Variants in MGAT4C observed in about 807,000 individuals in gnomAD.
The protein encoded by MGAT4C is MGAT4 family member C.
MGAT4C carries 19 observed loss-of-function variants against 40.1 expected under a neutral mutation model. The observed-to-expected ratio is 0.47, with a 90% CI of 0.33 to 0.70. The LOEUF is 0.70. Among genes scored for constraint, MGAT4C ranks in the 30% least tolerant of loss-of-function variants. The pLI is 0.02. For synonymous variants in MGAT4C, 181 were observed against 187.1 expected (o/e 0.97, Z 0.27); for missense variants, 491 against 563.2 (o/e 0.87, Z 1.30).
chr12:86,354,105 G>T (rs61950742), intron 3 of MGAT4C, among the ~76,000 whole-genome samples: 12,893 of 152,226 alleles, frequency 0.085, 752 homozygotes, highest in Middle Eastern at 0.22. Flanking sequence ...ATTAGCACAT[G>T]GTTGGTGGAC....
chr12:86,830,255 T>C (rs1295440590), intron 1 of MGAT4C, among the ~76,000 whole-genome samples: 2 of 151,620 alleles, frequency 1.3e-5, no homozygotes, highest in Non-Finnish European at 3.0e-5. Context: ...CTCTGTGGTA[T>C]GTTTCACACT....
At chr12:86,298,468 T>G (rs1953734040) in intron 4 of MGAT4C, among the ~76,000 whole-genome samples, 1 of 152,162 alleles carries the variant, frequency 6.6e-6, no homozygotes, top group African/African-American at 2.4e-5. Context: ...ATGTTCATAA[T>G]TTATGACCTA....
At chr12:86,313,497 AG>A (rs1355917769) in intron 4 of MGAT4C, among the ~76,000 whole-genome samples, 1 of 152,224 alleles carries the variant, frequency 6.6e-6, no homozygotes, top group Admixed American at 6.5e-5. Context: ...ATCCATTAAA[AG>A]CATAGCTAGC....
At chr12:86,668,276 C>A (rs1299520451) in intron 2 of MGAT4C, among the ~76,000 whole-genome samples, 1 of 152,124 alleles carries the variant, frequency 6.6e-6, no homozygotes, top group Non-Finnish European at 1.5e-5. Context: ...TCATGATGGA[C>A]ACCCCAGATT....
intron 2 of MGAT4C, chr12:86,028,128 C>A (rs1403579650): frequency 3.1e-6 from 4 of 1,288,070 alleles, no homozygotes; most frequent in South Asian, 2.5e-5. Context: ...ATCCCTTTGC[C>A]ACACTCCTCT....
chr12:86,372,596 T>C (rs1251799711), intron 3 of MGAT4C, among the ~76,000 whole-genome samples: 1 of 151,918 alleles, frequency 6.6e-6, no homozygotes, highest in Non-Finnish European at 1.5e-5. Flanking sequence ...CCCAAGTCTA[T>C]GTGAAGTATT....
chr12:86,106,825 G>C (rs963069213), intron 1 of MGAT4C, among the ~76,000 whole-genome samples: 1 of 152,088 alleles, frequency 6.6e-6, no homozygotes, highest in African/African-American at 2.4e-5. Context: ...CTGCTAAGTA[G>C]GACCATGCTT....
At chr12:86,558,529 T>C (rs1303263391) in intron 2 of MGAT4C, among the ~76,000 whole-genome samples, 1 of 152,080 alleles carries the variant, frequency 6.6e-6, no homozygotes, top group Non-Finnish European at 1.5e-5. Flanking sequence ...CAGCCAAGCA[T>C]ATTTTACATA....
At chr12:86,801,990 T>C (rs1233904971) in intron 1 of MGAT4C, among the ~76,000 whole-genome samples, 1 of 151,956 alleles carries the variant, frequency 6.6e-6, no homozygotes, top group Non-Finnish European at 1.5e-5. Context: ...ACAATTGTTT[T>C]CCTCATTTCT....
chr12:86,493,383 A>G lies in MGAT4C; in HGVS notation c.-228-58118T>C, dbSNP rs531126658. On this transcript the variant is annotated intron_variant, in intron 2 of 7. Transcript: ENST00000548651. ...TGCGGCACTATTCACAATAGCAAAG[A>G]CTTGGAACCAACCCAAATGTCCAAC... Among the ~76,000 whole-genome samples, 53 of 152,226 alleles carry G rather than the reference A, an allele frequency of 3.5e-4. No individual in the cohort carries two copies. In the East Asian group the frequency reaches 0.01, roughly 29 times the overall value.
chr12:86,551,135 G>A (rs1029347949), intron 2 of MGAT4C, among the ~76,000 whole-genome samples: 2 of 152,178 alleles, frequency 1.3e-5, no homozygotes, highest in African/African-American at 4.8e-5. Flanking sequence ...TAGCCCTAGG[G>A]ACTGCCTTTG....
chr12:86,766,873 G>T (rs188973517), intron 1 of MGAT4C, among the ~76,000 whole-genome samples: 1 of 152,144 alleles, frequency 6.6e-6, no homozygotes, highest in East Asian at 1.9e-4. Context: ...AAAGCAGTGT[G>T]TAGAGGGAAA....
chr12:86,445,708 G>A (rs1957322005), intron 2 of MGAT4C, among the ~76,000 whole-genome samples: 1 of 152,098 alleles, frequency 6.6e-6, no homozygotes, highest in African/African-American at 2.4e-5. Context: ...ATATATCAAT[G>A]AGAATGAGCA....
At chr12:86,006,142 G>A (rs1429034684) in intron 2 of MGAT4C, among the ~76,000 whole-genome samples, 1 of 152,114 alleles carries the variant, frequency 6.6e-6, no homozygotes. Flanking sequence ...CTTTGTGCTT[G>A]TTGCTGTGTG....
chr12:86,808,748 C>T (rs1363607023), intron 1 of MGAT4C, among the ~76,000 whole-genome samples: 3 of 151,930 alleles, frequency 2.0e-5, no homozygotes, highest in Non-Finnish European at 4.4e-5. Flanking sequence ...ACCCCTCCTA[C>T]GCAACATAGC....
At chr12:86,724,690 G>A (rs1380803956) in intron 2 of MGAT4C, among the ~76,000 whole-genome samples, 2 of 152,194 alleles carry the variant, frequency 1.3e-5, no homozygotes, top group Non-Finnish European at 2.9e-5. Context: ...TTGGTGAAAT[G>A]TCATGTTATA....
chr12:86,474,838 G>C (rs2136307094), intron 2 of MGAT4C, among the ~76,000 whole-genome samples: 1 of 151,978 alleles, frequency 6.6e-6, no homozygotes, highest in African/African-American at 2.4e-5. Context: ...CCTTTTAAAT[G>C]CATTAGTTTC....
At chr12:86,731,800 A>G (rs1950914008) in intron 1 of MGAT4C, among the ~76,000 whole-genome samples, 1 of 152,154 alleles carries the variant, frequency 6.6e-6, no homozygotes, top group Admixed American at 6.6e-5. Flanking sequence ...TTTAAACTGT[A>G]GTATTGCATT....
At chr12:86,768,218 C>T (rs1474492481) in intron 1 of MGAT4C, among the ~76,000 whole-genome samples, 1 of 152,054 alleles carries the variant, frequency 6.6e-6, no homozygotes, top group African/African-American at 2.4e-5. Context: ...TCTTATACAC[C>T]AATAGCAGAC....
Sources: allele counts gnomAD v4.1 joint callset (sites outside exome capture counted in the v4.1 genomes callset), GRCh38; gene constraint gnomAD v4.1.1; transcripts MANE v1.5; gene names NCBI Gene and HGNC (gene_info 2026-07-23, HGNC 2026-07-21).